Variants in PKHD1 observed in about 807,000 individuals in gnomAD.
The protein encoded by PKHD1 is fibrocystin.
A neutral mutation model predicts 412.0 loss-of-function variants in PKHD1; 291 were observed. The observed-to-expected ratio is 0.71, with a 90% CI of 0.64 to 0.78. PKHD1 has a LOEUF of 0.78. Among genes scored for constraint, PKHD1 ranks in the 30% least tolerant of loss-of-function variants. PKHD1 has a pLI of 0.00. For synonymous variants in PKHD1, 1,777 were observed against 1,821.5 expected, an observed-to-expected ratio of 0.98 and a Z score of 0.62; for missense variants, 4,825 against 4,950.7, an observed-to-expected ratio of 0.97 and a Z score of 0.76.
chr6:51,983,731 C>A (rs1795871567), intron 35 of PKHD1, among the ~76,000 whole-genome samples: 1 of 152,196 alleles, frequency 6.6e-6, no homozygotes, highest in Admixed American at 6.5e-5. Context: ...CTGTCTTTGG[C>A]TAAAATCACT....
At chr6:52,061,735 AGACT>A (rs1243842357) in intron 14 of PKHD1, among the ~76,000 whole-genome samples, 1 of 152,038 alleles carries the variant, frequency 6.6e-6, no homozygotes, top group Non-Finnish European at 1.5e-5. Context: ...AGGAGGTCAC[AGACT>A]GACTGAAATT....
chr6:51,810,224 T>C (rs1391028758), intron 52 of PKHD1, among the ~76,000 whole-genome samples: 1 of 152,120 alleles, frequency 6.6e-6, no homozygotes. Context: ...ATTCACTCGA[T>C]ACTACCATGT....
At chr6:51,698,639 G>C (rs909356658) in intron 60 of PKHD1, among the ~76,000 whole-genome samples, 2 of 152,066 alleles carry the variant, frequency 1.3e-5, no homozygotes, top group African/African-American at 4.8e-5. Context: ...GGACTCCAGA[G>C]TGGGTGAAAA....
chr6:52,055,587 G>A lies in PKHD1; in HGVS notation c.1836C>T (p.His612=), dbSNP rs138435568. The change falls in exon 19 of 67, where the codon CAC becomes CAT. Residue 612 remains histidine, a splice_region_variant and synonymous_variant. Coordinates refer to ENST00000371117, the MANE Select transcript of PKHD1 (RefSeq NM_138694.4). ...QKGYRLDQYT[H]LCLAYKGHMN... ...CAGAAGCACAAAGACTGCTACTCAC[G>A]TGTGTATACTGATCTAGCCGATAGC... 44 of 1,613,848 alleles carry A rather than the reference G, an allele frequency of 2.7e-5. No homozygotes were observed. Among genetic ancestry groups the A allele is most frequent in the African/African-American group, 4.0e-5 (3 of 74,910 alleles).
intron 25 of PKHD1, 59 bp downstream of exon 25, chr6:52,044,907 G>A: frequency 6.3e-7 from 1 of 1,591,460 alleles, no homozygotes; most frequent in Non-Finnish European, 8.6e-7. Flanking sequence ...ACAAATCAGT[G>A]AGGAGTGAGT....
At chr6:51,699,242 C>A (rs550532772) in intron 60 of PKHD1, among the ~76,000 whole-genome samples, 29 of 152,284 alleles carry the variant, frequency 1.9e-4, no homozygotes, top group Admixed American at 1.5e-3. Context: ...TACAGTAATA[C>A]CCTCACCACA....
intron 35 of PKHD1, among the ~76,000 whole-genome samples, chr6:51,973,540 T>C (rs1175524104): frequency 1.3e-5 from 2 of 152,174 alleles, no homozygotes; most frequent in Non-Finnish European, 2.9e-5. Flanking sequence ...AAGTCCCTCA[T>C]AGTTTGGAAA....
In PKHD1 at chr6:51,748,144, T is replaced by C. The variant is rs764138084; in HGVS notation, c.9472A>G (p.Met3158Val). 3 of 1,614,108 alleles carry C rather than the reference T, an allele frequency of 1.9e-6. No individual in the cohort carries two copies. Among genetic ancestry groups the C allele is most frequent in the East Asian group, 2.2e-5 (1 of 44,878 alleles). The change falls in exon 58 of 67, where the codon ATG becomes GTG. Residue 3158 changes from methionine to valine, a missense_variant. Met to Val is a conservative substitution (Grantham distance 21). Coordinates refer to ENST00000371117, the MANE Select transcript of PKHD1 (RefSeq NM_138694.4). ...TCCACGCTGTTCTCTACATGTAACA[T>C]GGCACCATAGTCAAAGTTCTTGAAA... ...LAFKNFDYGAMLHVENSVEIE... is the reference protein window; with the variant it reads ...LAFKNFDYGAVLHVENSVEIE...
intron 60 of PKHD1, among the ~76,000 whole-genome samples, chr6:51,662,388 G>A (rs1773002421): frequency 6.6e-6 from 1 of 151,428 alleles, no homozygotes; most frequent in African/African-American, 2.4e-5. Flanking sequence ...ATGAGGTAAT[G>A]GATATATTAG....
rs115465406 is a variant in PKHD1, at chr6:51,653,620, A to G, written c.11175-4400T>C. On this transcript the variant is annotated intron_variant, in intron 61 of 66. Coordinates refer to ENST00000371117, the MANE Select transcript of PKHD1 (RefSeq NM_138694.4). The stretch of plus-strand genomic sequence containing the variant: ...ATTCCATGGAATTATTCATTTAAAA[A>G]TGAGATTCCAGTAACCTTAGGTATA... 2.4e-3 allele frequency among the ~76,000 whole-genome samples: 368 copies of G among 152,256 alleles called. 2 individuals carry two copies. The highest frequency in any genetic ancestry group is 4.5e-3 in the Non-Finnish European group (306 of 68,016).
At chr6:51,976,669 G>C (rs778603021) in intron 35 of PKHD1, among the ~76,000 whole-genome samples, 2 of 152,166 alleles carry the variant, frequency 1.3e-5, no homozygotes, top group Admixed American at 6.5e-5. Flanking sequence ...AAACTGAAAG[G>C]CCAGGCACGG....
chr6:51,620,885 T>A (rs1319350486), intron 66 of PKHD1, among the ~76,000 whole-genome samples: 6 of 151,458 alleles, frequency 4.0e-5, no homozygotes. Context: ...ACACATCTAC[T>A]AATATTATGA....
intron 60 of PKHD1, chr6:51,721,912 T>G (rs1335812220): frequency 1.2e-6 from 2 of 1,610,404 alleles, no homozygotes; most frequent in African/African-American, 1.3e-5. Flanking sequence ...TGGTCCATGC[T>G]CCAACCCATT....
intron 27 of PKHD1, among the ~76,000 whole-genome samples, chr6:52,040,912 C>T (rs1447609169): frequency 2.0e-5 from 3 of 152,142 alleles, no homozygotes; most frequent in African/African-American, 7.2e-5. Context: ...ACTGTATCCC[C>T]AGCATTAATA....
chr6:51,824,012 C>G (rs1258622223), intron 52 of PKHD1, among the ~76,000 whole-genome samples: 1 of 152,120 alleles, frequency 6.6e-6, no homozygotes, highest in Non-Finnish European at 1.5e-5. Context: ...TGGGTTGAAG[C>G]ATGGGGACTA....
At chr6:51,868,146 G>A in intron 47 of PKHD1, 37 bp from the exon 48 acceptor site, 1 of 1,552,106 alleles carries the variant, frequency 6.4e-7, no homozygotes, top group Non-Finnish European at 8.9e-7. Context: ...TTACACAATG[G>A]CACAAATAGC....
intron 46 of PKHD1, among the ~76,000 whole-genome samples, chr6:51,873,916 T>C (rs931282398): frequency 4.0e-5 from 6 of 151,734 alleles, no homozygotes; most frequent in Non-Finnish European, 7.4e-5. Flanking sequence ...CAAAATAAGA[T>C]GGTAGAAATA....
At chr6:51,651,375 G>A (rs779927295) in intron 61 of PKHD1, among the ~76,000 whole-genome samples, 5 of 152,098 alleles carry the variant, frequency 3.3e-5, no homozygotes, top group Non-Finnish European at 5.9e-5. Context: ...TCGAATCTCC[G>A]TGGCCTTTTA....
At chr6:52,069,153 T>G (rs1810204651) in intron 11 of PKHD1, among the ~76,000 whole-genome samples, 1 of 152,240 alleles carries the variant, frequency 6.6e-6, no homozygotes, top group African/African-American at 2.4e-5. Flanking sequence ...TTAAGACTTT[T>G]TAAGTGCCAC....
Sources: allele counts gnomAD v4.1 joint callset (sites outside exome capture counted in the v4.1 genomes callset), GRCh38; gene constraint gnomAD v4.1.1; transcripts MANE v1.5; gene names NCBI Gene and HGNC (gene_info 2026-07-23, HGNC 2026-07-21).